GRIK4: variants seen among roughly 807,000 people sequenced by gnomAD.
GRIK4 encodes glutamate receptor ionotropic, kainate 4.
Under a neutral mutation model 104.9 loss-of-function variants are expected in GRIK4, and 40 were observed. That is an observed-to-expected ratio of 0.38 (90% CI 0.30 to 0.50). The LOEUF (loss-of-function observed/expected upper bound fraction) is 0.50, where lower values mean the gene tolerates loss of function less well. Among genes scored for constraint, GRIK4 ranks in the 20% least tolerant of loss-of-function variants. The pLI, the probability that GRIK4 is intolerant of heterozygous loss-of-function variation, is 0.93. For missense variants in GRIK4, 1,047 were observed against 1,308.1 expected (o/e 0.80, Z 3.08); for synonymous variants, 485 against 524.9 (o/e 0.92, Z 1.04).
intron 1 of GRIK4, among the ~76,000 whole-genome samples, chr11:120,628,069 G>A (rs1186131503): frequency 4.6e-5 from 7 of 152,166 alleles, no homozygotes; most frequent in African/African-American, 1.4e-4. Context: ...GTCAGCCTCC[G>A]GGGAGAGGAG....
At chr11:120,859,396 C>G (rs1954201258) in intron 8 of GRIK4, 1 of 152,206 alleles carries the variant, frequency 6.6e-6, no homozygotes, top group African/African-American at 2.4e-5. Context: ...GGTAAGGAAC[C>G]TGGATTTGAA....
intron 4 of GRIK4, among the ~76,000 whole-genome samples, chr11:120,814,585 T>C (rs1233118574): frequency 6.6e-6 from 1 of 151,990 alleles, no homozygotes; most frequent in Non-Finnish European, 1.5e-5. Flanking sequence ...GGTGACAGGG[T>C]GCGACTCCAT....
chr11:120,797,837 T>C (rs1952548939), intron 3 of GRIK4, among the ~76,000 whole-genome samples: 1 of 152,148 alleles, frequency 6.6e-6, no homozygotes, highest in African/African-American at 2.4e-5. Context: ...GACCTCATCC[T>C]CCCCTTAATA....
chr11:120,548,469 A>C (rs2136093358), intron 1 of GRIK4, among the ~76,000 whole-genome samples: 1 of 152,172 alleles, frequency 6.6e-6, no homozygotes, highest in East Asian at 1.9e-4. Flanking sequence ...AGAGAAGTGC[A>C]GGGTGTCTTG....
intron 10 of GRIK4, 121 bp downstream of exon 10, chr11:120,874,339 C>A (rs1391477043): frequency 4.0e-6 from 3 of 745,462 alleles, no homozygotes; most frequent in Non-Finnish European, 6.5e-6. Context: ...ATTACAGCCC[C>A]AGATAAATCA....
intron 19 of GRIK4, among the ~76,000 whole-genome samples, chr11:120,976,720 T>C (rs148578690): frequency 1.3e-5 from 2 of 152,342 alleles, no homozygotes; most frequent in Non-Finnish European, 2.9e-5. Context: ...ATACATTGTC[T>C]CTTGCTGGGA....
chr11:120,689,223 A>G (rs897692961), intron 3 of GRIK4, among the ~76,000 whole-genome samples: 1 of 152,016 alleles, frequency 6.6e-6, no homozygotes, highest in African/African-American at 2.4e-5. Context: ...GGAAGTTTCC[A>G]TTGCCTCTGC....
At chr11:120,689,826 C>T (rs972420128) in intron 3 of GRIK4, among the ~76,000 whole-genome samples, 8 of 152,192 alleles carry the variant, frequency 5.3e-5, no homozygotes, top group African/African-American at 1.9e-4. Flanking sequence ...CTCCCACACC[C>T]CCGCCAGGGC....
At chr11:120,627,666 G>C (rs554727684) in intron 1 of GRIK4, among the ~76,000 whole-genome samples, 8 of 152,292 alleles carry the variant, frequency 5.3e-5, no homozygotes, top group African/African-American at 1.7e-4. Context: ...TCCCTGAAGG[G>C]CCTAAGGGCA....
intron 3 of GRIK4, among the ~76,000 whole-genome samples, chr11:120,749,952 G>A (rs1236606905): frequency 6.6e-6 from 1 of 152,196 alleles, no homozygotes; most frequent in Non-Finnish European, 1.5e-5. Flanking sequence ...ATTTGTTAAT[G>A]TGCTTTGTTA....
At chr11:120,591,647 G>A (rs531320311) in intron 1 of GRIK4, among the ~76,000 whole-genome samples, 43 of 152,166 alleles carry the variant, frequency 2.8e-4, no homozygotes, top group Non-Finnish European at 5.6e-4. Context: ...AGTTCCCCTA[G>A]TCAGTACTAG....
intron 4 of GRIK4, among the ~76,000 whole-genome samples, chr11:120,812,610 G>A (rs1017993332): frequency 6.6e-6 from 1 of 152,172 alleles, no homozygotes; most frequent in African/African-American, 2.4e-5. Flanking sequence ...TATCTTATAG[G>A]TGAGAAAACA....
At chr11:120,938,665 G>C (rs1189703418) in intron 13 of GRIK4, among the ~76,000 whole-genome samples, 1 of 152,192 alleles carries the variant, frequency 6.6e-6, no homozygotes, top group Admixed American at 6.5e-5. Flanking sequence ...TGATTAGCCT[G>C]TTTGTAGATT....
chr11:120,758,209 A>G (rs1440228766), intron 3 of GRIK4, among the ~76,000 whole-genome samples: 1 of 152,088 alleles, frequency 6.6e-6, no homozygotes, highest in African/African-American at 2.4e-5. Context: ...ACTCTGCTTC[A>G]TTGTACCCAT....
At chr11:120,859,082 TG>T (rs1471977732) in intron 8 of GRIK4, 7 of 152,226 alleles carry the variant, frequency 4.6e-5, no homozygotes, top group African/African-American at 1.7e-4. Flanking sequence ...GGCTGACTTC[TG>T]GGTAGACTGT....
chr11:120,908,641 T>A (rs780295315), intron 13 of GRIK4, among the ~76,000 whole-genome samples: 3 of 152,100 alleles, frequency 2.0e-5, no homozygotes, highest in Non-Finnish European at 4.4e-5. Flanking sequence ...AAGGGGTGTG[T>A]TAGCTGCTGG....
At chr11:120,622,126 C>T (rs1436168467) in intron 1 of GRIK4, among the ~76,000 whole-genome samples, 1 of 152,268 alleles carries the variant, frequency 6.6e-6, no homozygotes, top group African/African-American at 2.4e-5. Flanking sequence ...ATCTCAAACT[C>T]CTGACCTCAG....
intron 3 of GRIK4, among the ~76,000 whole-genome samples, chr11:120,723,374 T>C (rs1431389602): frequency 3.9e-5 from 6 of 152,212 alleles, no homozygotes; most frequent in East Asian, 1.9e-4. Context: ...TCGGCCTCCA[T>C]TGAGCATCAC....
chr11:120,908,404 T>C (rs1208560219), intron 13 of GRIK4, among the ~76,000 whole-genome samples: 1 of 150,904 alleles, frequency 6.6e-6, no homozygotes. Flanking sequence ...AAGGATTTTT[T>C]TGGTAAAGAT....
Sources: gnomAD v4.1 joint callset for allele counts (sites outside exome capture counted in the v4.1 genomes callset) on GRCh38, gnomAD v4.1.1 for gene constraint, MANE v1.5 for transcripts, NCBI Gene and HGNC (gene_info 2026-07-23, HGNC 2026-07-21) for gene names.